MGAT4A: variants seen among roughly 807,000 people sequenced by gnomAD.
MGAT4A encodes the protein alpha-1,3-mannosyl-glycoprotein 4-beta-N-acetylglucosaminyltransferase A, also known as N-acetylglucosaminyltransferase IVa.
In MGAT4A, 33 loss-of-function variants were observed where a neutral mutation model predicts 74.1. The observed-to-expected ratio is 0.45, with a 90% CI of 0.34 to 0.60. The LOEUF is 0.60. MGAT4A is among the 20% of genes least tolerant of loss of function. MGAT4A has a pLI of 0.02. For missense variants in MGAT4A, 479 were observed against 628.3 expected (o/e 0.76, Z 2.54); for synonymous variants, 198 against 210.4 (o/e 0.94, Z 0.51).
At chr2:98,668,313 G>C (rs1701866040) in intron 4 of MGAT4A, among the ~76,000 whole-genome samples, 1 of 152,192 alleles carries the variant, frequency 6.6e-6, no homozygotes, top group Non-Finnish European at 1.5e-5. Context: ...TTGGTGACCT[G>C]TGTCCCAGCC....
rs186919416 is a variant in MGAT4A at position 98,722,124 on chromosome 2, A to G, written c.94+4115T>C. The stretch of plus-strand genomic sequence containing the variant: ...TGATTAAACATAATAGAGTTATGAT[A>G]GGACCCAGCAATTCCACTCCTTGGT... On this transcript the variant is annotated intron_variant, in intron 2 of 15. Coordinates refer to ENST00000393487, the MANE Select transcript of MGAT4A (RefSeq NM_012214.3). Among the ~76,000 whole-genome samples the G allele has an allele frequency of 2.6e-5, 4 of 152,368 alleles. No individual in the cohort carries two copies. In the East Asian group the frequency reaches 5.8e-4, roughly 22 times the overall value.
chr2:98,649,597 C>T (rs565905923), intron 8 of MGAT4A, among the ~76,000 whole-genome samples: 1 of 152,220 alleles, frequency 6.6e-6, no homozygotes, highest in South Asian at 2.1e-4. Context: ...GCTGCAGTAC[C>T]AGAGACAGAA....
Position 98,726,441 on chromosome 2 carries a change from T to C in MGAT4A, c.-109A>G. ...TGCAGTACTCCTGGCTCTAGGCCAA[T>C]AAAAATCAATAAGAGAGGTTCATTT... On this transcript the variant is annotated 5_prime_UTR_variant, in exon 2 of 16. Coordinates refer to ENST00000393487, the MANE Select transcript of MGAT4A (RefSeq NM_012214.3). The C allele has an allele frequency of 1.3e-6, 1 of 758,146 alleles. No individual in the cohort carries two copies. The highest frequency in any genetic ancestry group is 2.1e-6 in the Non-Finnish European group (1 of 471,802). 47.0% of individuals were successfully genotyped at this position (758,146 alleles called of 1,614,324 possible). A position where few individuals can be genotyped will look rare whatever the true frequency, so the allele number is the denominator to read the frequency against.
intron 5 of MGAT4A, 92 bp downstream of exon 5, chr2:98,662,954 A>G: frequency 9.6e-7 from 1 of 1,046,790 alleles, no homozygotes; most frequent in East Asian, 2.6e-5. Flanking sequence ...TTTTTTAAAA[A>G]GCGTTTTTAA....
intron 14 of MGAT4A, among the ~76,000 whole-genome samples, chr2:98,627,321 T>G (rs1421258609): frequency 6.6e-6 from 1 of 152,232 alleles, no homozygotes; most frequent in African/African-American, 2.4e-5. Context: ...TTTTGTCTTG[T>G]AATTTTAGGT....
intron 2 of MGAT4A, among the ~76,000 whole-genome samples, chr2:98,719,930 AGCCACCATG>A (rs1702643728): frequency 3.3e-5 from 5 of 152,250 alleles, no homozygotes; most frequent in Admixed American, 2.6e-4. Flanking sequence ...TACAGGCATG[AGCCACCATG>A]CCCAGCCAGG....
intron 2 of MGAT4A, among the ~76,000 whole-genome samples, chr2:98,695,878 CTTTTTTTTT>C: frequency 7.7e-6 from 1 of 130,404 alleles, no homozygotes; most frequent in Admixed American, 7.8e-5. Flanking sequence ...CACAGAACTT[CTTTTTTTTT>C]TTTTTTTTTG....
chr2:98,622,383 G>A lies in MGAT4A; in HGVS notation c.*3183C>T, dbSNP rs1701074350. ...ACTAGTGTGTGTGATGGCAGAACCG[G>A]GTAAAAAAATGTTTTTATTTAAACA... On this transcript the variant is annotated 3_prime_UTR_variant, in exon 16 of 16. Coordinates refer to ENST00000393487, the MANE Select transcript of MGAT4A (RefSeq NM_012214.3). 1 of 985,278 alleles carries A rather than the reference G, an allele frequency of 1.0e-6. No homozygotes were observed. Among genetic ancestry groups the A allele is most frequent in the Non-Finnish European group, 1.2e-6 (1 of 829,908 alleles). 61.0% of individuals were successfully genotyped at this position (985,278 alleles called of 1,614,324 possible). A position where few individuals can be genotyped will look rare whatever the true frequency, so the allele number is the denominator to read the frequency against.
intron 14 of MGAT4A, among the ~76,000 whole-genome samples, chr2:98,634,401 G>A (rs565296162): frequency 2.0e-4 from 30 of 152,120 alleles, no homozygotes; most frequent in Admixed American, 1.8e-3. Flanking sequence ...GAGAGTGTGG[G>A]GCCTTCATCA....
chr2:98,711,175 A>G (rs1329054089), intron 2 of MGAT4A, among the ~76,000 whole-genome samples: 1 of 151,740 alleles, frequency 6.6e-6, no homozygotes, highest in African/African-American at 2.4e-5. Context: ...ATGCTATTCC[A>G]TAGGGGAAAC....
intron 2 of MGAT4A, among the ~76,000 whole-genome samples, chr2:98,714,174 G>A (rs1702559204): frequency 6.6e-6 from 1 of 152,046 alleles, no homozygotes; most frequent in Admixed American, 6.5e-5. Context: ...TGCCACCTTC[G>A]CCTCCCGGGT....
At chr2:98,699,744 T>C (rs1023378565) in intron 2 of MGAT4A, among the ~76,000 whole-genome samples, 10 of 152,190 alleles carry the variant, frequency 6.6e-5, no homozygotes, top group African/African-American at 1.9e-4. Flanking sequence ...AAATGTACAT[T>C]ATACAATATG....
In MGAT4A at chr2:98,621,603, T is replaced by C. The variant is rs979396268; in HGVS notation, c.*3963A>G. 1.1e-5 allele frequency: 17 copies of C among 1,517,086 alleles called. No homozygotes were observed. The East Asian group carries it at 3.5e-4, about 31-fold the overall frequency. 94.0% of individuals were successfully genotyped at this position (1,517,086 alleles called of 1,614,324 possible). A position where few individuals can be genotyped will look rare whatever the true frequency, so the allele number is the denominator to read the frequency against. ...TCATGGATCAAACAGGTTCCACCCA[T>C]GCTCAAAGTGGGAGGATATTATACA... is the stretch of plus-strand genomic sequence containing the variant. On this transcript the variant is annotated 3_prime_UTR_variant, in exon 16 of 16. Coordinates refer to ENST00000393487, the MANE Select transcript of MGAT4A (RefSeq NM_012214.3).
In MGAT4A at chr2:98,636,541, T is replaced by G. The variant is rs1333189950; in HGVS notation, c.1377A>C (p.Thr459=). 3 of 1,613,880 alleles carry G rather than the reference T, an allele frequency of 1.9e-6. No homozygotes were observed. Among genetic ancestry groups the G allele is most frequent in the South Asian group, 2.2e-5 (2 of 91,078 alleles). ...QEHPGDILLN[T]TVEVLPFKSE... ...CCTTAAAAGGCAAAACTTCCACAGTTGTGTTTAGCAGAATATCTCCAGGAT... is the reference window on the plus strand; with the variant it reads ...CCTTAAAAGGCAAAACTTCCACAGTGGTGTTTAGCAGAATATCTCCAGGAT... The change falls in exon 13 of 16, where the codon ACA becomes ACC. Residue 459 remains threonine (T), a synonymous_variant. Transcript: ENST00000393487.
chr2:98,689,028 T>TAA (rs200986810), intron 2 of MGAT4A, among the ~76,000 whole-genome samples: 6 of 151,902 alleles, frequency 3.9e-5, no homozygotes, highest in African/African-American at 1.5e-4. Context: ...CTAATCATGC[T>TAA]AAAAAAAACT....
At chr2:98,655,186 G>T (rs1320226460) in intron 8 of MGAT4A, among the ~76,000 whole-genome samples, 1 of 152,076 alleles carries the variant, frequency 6.6e-6, no homozygotes, top group East Asian at 1.9e-4. Flanking sequence ...AGAGAAGATG[G>T]GGGAATGGGA....
chr2:98,625,570 T>C lies in MGAT4A; in HGVS notation c.1604A>G (p.Asn535Ser), dbSNP rs1189623440. 1.9e-6 allele frequency: 3 copies of C among 1,609,180 alleles called. No individual in the cohort carries two copies. The highest frequency in any genetic ancestry group is 2.7e-5 in the African/African-American group (2 of 74,604). Residue 535 changes from asparagine (N) to serine (S), a missense_variant, in exon 16 of 16, where the codon AAC becomes AGC. Physicochemically the swap from Asn to Ser is conservative, Grantham distance 46 (BLOSUM62 1). Transcript: ENST00000393487. ...ATGTGTTGGTTTCTCAGATGATCAG[T>C]TGGTGGCTTTTTTAATATGAATCTG... ...LNEIHIKKAT[N>S]
chr2:98,652,258 A>G (rs1701590049), intron 8 of MGAT4A, among the ~76,000 whole-genome samples: 1 of 151,968 alleles, frequency 6.6e-6, no homozygotes, highest in African/African-American at 2.4e-5. Flanking sequence ...CAGAATACAC[A>G]TTCTTCTCAA....
chr2:98,696,408 C>T (rs1039713201), intron 2 of MGAT4A, among the ~76,000 whole-genome samples: 4 of 152,190 alleles, frequency 2.6e-5, no homozygotes, highest in African/African-American at 9.7e-5. Flanking sequence ...TTTTCCTATT[C>T]ACTCTTCATT....
Sources: gnomAD v4.1 joint callset for allele counts (sites outside exome capture counted in the v4.1 genomes callset) on GRCh38, gnomAD v4.1.1 for gene constraint, MANE v1.5 for transcripts, NCBI Gene and HGNC (gene_info 2026-07-23, HGNC 2026-07-21) for gene names.